CPPED1: variants seen among roughly 807,000 people sequenced by gnomAD.
The protein encoded by CPPED1 is serine/threonine-protein phosphatase CPPED1.
CPPED1 carries 28 observed loss-of-function variants against 28.0 expected under a neutral mutation model. The ratio of observed to expected loss-of-function variants is 1.00; its 90% CI spans 0.74 to 1.37. The LOEUF is 1.37. Among genes scored for constraint, CPPED1 ranks in the 40% most tolerant of loss-of-function variants. The pLI is 0.00. For missense variants in CPPED1, 504 were observed against 416.5 expected (o/e 1.21, Z -1.83); for synonymous variants, 198 against 180.2 (o/e 1.10, Z -0.79).
At position 12,762,924 on chromosome 16, in the gene CPPED1, A is replaced by T. The variant is rs563519389; in HGVS notation, c.289+18261T>A. On this transcript the variant is annotated intron_variant, in intron 2 of 3. Transcript: ENST00000381774. ...ACACCCAGCTAATTAAAAAAAAAAA[A>T]TTTTTGTAGAAATGAAGTCTTGCGC... Among the ~76,000 whole-genome samples the T allele has an allele frequency of 2.1e-3, 324 of 151,832 alleles. 2 individuals carry two copies. The highest frequency in any genetic ancestry group is 1.9e-3 in the Non-Finnish European group (128 of 67,894).
chr16:12,755,787 A>G (rs2080362522), intron 2 of CPPED1, among the ~76,000 whole-genome samples: 1 of 152,174 alleles, frequency 6.6e-6, no homozygotes, highest in South Asian at 2.1e-4. Flanking sequence ...TGTGGCATAT[A>G]TGAAATTTGC....
At chr16:12,669,167 G>A (rs1467309234) in intron 3 of CPPED1, among the ~76,000 whole-genome samples, 1 of 152,146 alleles carries the variant, frequency 6.6e-6, no homozygotes. Context: ...ATAAAGTGTT[G>A]ATACAAGCTG....
chr16:12,758,456 T>C (rs2080386391), intron 2 of CPPED1, among the ~76,000 whole-genome samples: 1 of 152,062 alleles, frequency 6.6e-6, no homozygotes, highest in African/African-American at 2.4e-5. Flanking sequence ...AGAGAACCTA[T>C]CCAAGAAGCC....
At position 12,786,131 on chromosome 16, in the gene CPPED1, C is replaced by T. The variant is rs548605598; in HGVS notation, c.71-4728G>A. On this transcript the variant is annotated intron_variant, in intron 1 of 3. Transcript: ENST00000381774. ...TGACAGCAGAAAGCAGCAGGTTGCT[C>T]ATGGCACAGAGATGGCAGGGCTGGG... 2.0e-5 allele frequency among the ~76,000 whole-genome samples: 3 copies of T among 152,322 alleles called. No homozygotes were observed. In the South Asian group the frequency reaches 6.2e-4, roughly 32 times the overall value.
chr16:12,798,084 A>C (rs922813583), intron 1 of CPPED1, among the ~76,000 whole-genome samples: 2 of 152,180 alleles, frequency 1.3e-5, no homozygotes, highest in African/African-American at 2.4e-5. Flanking sequence ...ACCACCTCAA[A>C]AGAAATAAAA....
intron 2 of CPPED1, among the ~76,000 whole-genome samples, chr16:12,769,468 T>C (rs2080457778): frequency 6.6e-6 from 1 of 152,148 alleles, no homozygotes; most frequent in Non-Finnish European, 1.5e-5. Context: ...GTGTCTCCTC[T>C]GCCGGACTGC....
At chr16:12,708,173 T>TGG (rs113668744) in intron 2 of CPPED1, among the ~76,000 whole-genome samples, 1 of 149,460 alleles carries the variant, frequency 6.7e-6, no homozygotes. Flanking sequence ...TATTTATTGT[T>TGG]GGAAAAAAAA....
At chr16:12,708,476 C>T (rs1229491765) in intron 2 of CPPED1, among the ~76,000 whole-genome samples, 1 of 152,192 alleles carries the variant, frequency 6.6e-6, no homozygotes, top group Non-Finnish European at 1.5e-5. Flanking sequence ...CTTTCCACAT[C>T]CCATCCCCCT....
intron 2 of CPPED1, among the ~76,000 whole-genome samples, chr16:12,712,978 T>A (rs1259690856): frequency 6.6e-6 from 1 of 152,090 alleles, no homozygotes; most frequent in African/African-American, 2.4e-5. Context: ...AAGTATACAT[T>A]TAAATAAAAT....
At chr16:12,720,159 G>A (rs1033300121) in intron 2 of CPPED1, among the ~76,000 whole-genome samples, 2 of 152,154 alleles carry the variant, frequency 1.3e-5, no homozygotes, top group African/African-American at 4.8e-5. Flanking sequence ...AGAGAGATAC[G>A]CTCTTGGTTT....
chr16:12,802,664 G>A (rs1225986156), intron 1 of CPPED1, among the ~76,000 whole-genome samples: 1 of 152,180 alleles, frequency 6.6e-6, no homozygotes, highest in Non-Finnish European at 1.5e-5. Context: ...AAGGTAGCAG[G>A]TAAAGTCTCT....
chr16:12,742,887 G>A (rs779445047), intron 2 of CPPED1, among the ~76,000 whole-genome samples: 34 of 152,158 alleles, frequency 2.2e-4, no homozygotes, highest in Non-Finnish European at 4.0e-4. Context: ...GGAGGCGTGG[G>A]ACGAATACAC....
intron 3 of CPPED1, among the ~76,000 whole-genome samples, chr16:12,689,846 G>C (rs1037685776): frequency 6.6e-6 from 1 of 152,154 alleles, no homozygotes; most frequent in African/African-American, 2.4e-5. Flanking sequence ...TCCTGCCAAT[G>C]TCAAATGTAA....
At chr16:12,713,819 C>T (rs2080092611) in intron 2 of CPPED1, among the ~76,000 whole-genome samples, 1 of 150,404 alleles carries the variant, frequency 6.6e-6, no homozygotes, top group Non-Finnish European at 1.5e-5. Flanking sequence ...TATAATTCAT[C>T]CTCTGAAGGT....
intron 2 of CPPED1, among the ~76,000 whole-genome samples, chr16:12,779,642 G>A (rs1434634826): frequency 6.6e-6 from 1 of 151,966 alleles, no homozygotes; most frequent in Non-Finnish European, 1.5e-5. Context: ...CACCTGTCCC[G>A]GCCTCCCAAA....
intron 2 of CPPED1, among the ~76,000 whole-genome samples, chr16:12,730,888 C>T (rs76886694): frequency 1.2e-3 from 188 of 152,238 alleles, no homozygotes; most frequent in African/African-American, 4.2e-3. Context: ...TCACATTACC[C>T]GCATTTTAGT....
At chr16:12,685,244 G>C (rs2079926772) in intron 3 of CPPED1, among the ~76,000 whole-genome samples, 1 of 152,212 alleles carries the variant, frequency 6.6e-6, no homozygotes, top group Non-Finnish European at 1.5e-5. Flanking sequence ...GAGGTCAGGA[G>C]TTTGAGACCA....
intron 3 of CPPED1, among the ~76,000 whole-genome samples, chr16:12,671,923 G>T (rs556050129): frequency 4.2e-4 from 64 of 152,296 alleles, no homozygotes; most frequent in African/African-American, 1.5e-3. Flanking sequence ...TATGAAGGGG[G>T]TCCCGTAAGA....
chr16:12,722,325 G>A (rs2080145798), intron 2 of CPPED1, among the ~76,000 whole-genome samples: 1 of 152,230 alleles, frequency 6.6e-6, no homozygotes, highest in Non-Finnish European at 1.5e-5. Context: ...TAGATGCCGA[G>A]CAGTTAGTTG....
Sources: gnomAD v4.1 joint callset for allele counts (sites outside exome capture counted in the v4.1 genomes callset) on GRCh38, gnomAD v4.1.1 for gene constraint, MANE v1.5 for transcripts, NCBI Gene and HGNC (gene_info 2026-07-23, HGNC 2026-07-21) for gene names.